The following PIK3C2G variants were observed in gnomAD, a reference collection of about 807,000 sequenced individuals.
PIK3C2G encodes the protein phosphatidylinositol-4-phosphate 3-kinase catalytic subunit type 2 gamma.
Under a neutral mutation model 181.1 loss-of-function variants are expected in PIK3C2G, and 168 were observed. The observed-to-expected ratio is 0.93, with a 90% CI of 0.82 to 1.05. The LOEUF (loss-of-function observed/expected upper bound fraction) is 1.05, where lower values mean the gene tolerates loss of function less well. Ranked by LOEUF, PIK3C2G falls within the 50% of genes least tolerant of loss-of-function variation. The pLI is 0.00. For missense variants in PIK3C2G, 1,869 were observed against 1,732.8 expected, an observed-to-expected ratio of 1.08 and a Z score of -1.40; for synonymous variants, 573 against 592.2, an observed-to-expected ratio of 0.97 and a Z score of 0.47.
chr12:18,560,744 G>A lies in PIK3C2G; in HGVS notation c.3591-1959G>A, dbSNP rs1945301947. On this transcript the variant is annotated intron_variant, in intron 26 of 32. Coordinates refer to ENST00000538779, the MANE Select transcript of PIK3C2G (RefSeq NM_001288772.2). ...ATTTTAACAAATACTAAGACTATAA[G>A]AAAAAAATTTCAAAAGTGAAAGGAT... 5.3e-5 allele frequency among the ~76,000 whole-genome samples: 8 copies of A among 151,876 alleles called. No homozygotes were observed. The South Asian group carries it at 1.7e-3, about 32-fold the overall frequency.
intron 9 of PIK3C2G, among the ~76,000 whole-genome samples, chr12:18,339,442 G>A (rs1264211947): frequency 6.6e-6 from 1 of 152,030 alleles, no homozygotes; most frequent in African/African-American, 2.4e-5. Flanking sequence ...TGTGTACAGA[G>A]AATTAATAAG....
chr12:18,670,997 G>A, the PIK3C2G span, among the ~76,000 whole-genome samples: 3 of 151,962 alleles, frequency 2.0e-5, no homozygotes, highest in African/African-American at 7.2e-5. Flanking sequence ...GGACAACATG[G>A]TGAAACCCTG....
the PIK3C2G span, among the ~76,000 whole-genome samples, chr12:18,696,796 T>A: frequency 6.6e-6 from 1 of 152,108 alleles, no homozygotes. Flanking sequence ...CGACTTCCAA[T>A]CCCTTCACTC....
rs548213571 is a variant in PIK3C2G, at chr12:18,323,301, A to G, written c.1209-1734A>G. ...CTTTACTCCTCCATCCCTCCCTCCA[A>G]TCCCAGGGCAGTGGATTACAGTCTG... is the stretch of plus-strand genomic sequence containing the variant. On this transcript the variant is annotated intron_variant, in intron 7 of 32. Transcript: ENST00000538779. Among the ~76,000 whole-genome samples the G allele has an allele frequency of 1.6e-3, 238 of 152,246 alleles. 1 individual carries two copies. The highest frequency in any genetic ancestry group is 5.4e-3 in the African/African-American group (223 of 41,544).
chr12:18,293,899 A>T lies in PIK3C2G; in HGVS notation c.920-2A>T. On this transcript the variant is annotated splice_acceptor_variant, in intron 4 of 32. Coordinates refer to ENST00000538779, the MANE Select transcript of PIK3C2G (RefSeq NM_001288772.2). LOFTEE classifies it high-confidence loss of function. ...ACTTTTATTATTCCTCTTTTTCTTT[A>T]GCTAATTATCTTGTCAAAGATCTAA... is the stretch of plus-strand genomic sequence containing the variant. 1 of 1,392,402 alleles carries T rather than the reference A, an allele frequency of 7.2e-7. No individual in the cohort carries two copies. The highest frequency in any genetic ancestry group is 1.0e-6 in the Non-Finnish European group (1 of 979,556). The allele number at this position is 1,392,402 out of a possible 1,614,324, so 86.3% of individuals were successfully genotyped here. A position where few individuals can be genotyped will look rare whatever the true frequency, so the allele number is the denominator to read the frequency against.
chr12:18,515,771 T>C (rs1182449816), intron 24 of PIK3C2G, among the ~76,000 whole-genome samples: 1 of 151,962 alleles, frequency 6.6e-6, no homozygotes, highest in Non-Finnish European at 1.5e-5. Flanking sequence ...AGTTTGTTCC[T>C]GTTTTTCTAG....
intron 18 of PIK3C2G, among the ~76,000 whole-genome samples, chr12:18,427,821 A>G (rs1945921580): frequency 6.6e-6 from 1 of 152,046 alleles, no homozygotes; most frequent in Non-Finnish European, 1.5e-5. Context: ...TCAGTGATTC[A>G]AGGAGAAACT....
chr12:18,356,263 C>T (rs550492437), intron 11 of PIK3C2G, among the ~76,000 whole-genome samples: 14 of 152,268 alleles, frequency 9.2e-5, no homozygotes, highest in South Asian at 8.3e-4. Flanking sequence ...GCAAGCCCCC[C>T]GATGAAACGG....
intron 8 of PIK3C2G, among the ~76,000 whole-genome samples, chr12:18,329,717 A>G (rs1937723072): frequency 6.6e-6 from 1 of 152,050 alleles, no homozygotes; most frequent in Non-Finnish European, 1.5e-5. Flanking sequence ...TCTAGAGCAC[A>G]TAGCTAGGGA....
chr12:18,613,841 G>C (rs996022871), intron 31 of PIK3C2G, among the ~76,000 whole-genome samples: 12 of 152,044 alleles, frequency 7.9e-5, no homozygotes, highest in African/African-American at 2.9e-4. Flanking sequence ...GGTGAGTTCG[G>C]TACTTGGCAC....
At chr12:18,585,428 A>G (rs1946718716) in intron 29 of PIK3C2G, among the ~76,000 whole-genome samples, 1 of 152,018 alleles carries the variant, frequency 6.6e-6, no homozygotes. Flanking sequence ...ACCAACAAAG[A>G]TAAGAAAAGA....
chr12:18,331,070 AC>A (rs2137538967), intron 8 of PIK3C2G, among the ~76,000 whole-genome samples: 1 of 152,052 alleles, frequency 6.6e-6, no homozygotes, highest in South Asian at 2.1e-4. Context: ...GTAGTTCTAG[AC>A]CCCCTGTTCT....
chr12:18,374,961 T>C (rs1474920147), intron 13 of PIK3C2G, among the ~76,000 whole-genome samples: 1 of 152,192 alleles, frequency 6.6e-6, no homozygotes, highest in Non-Finnish European at 1.5e-5. Context: ...CTGTAAAGCC[T>C]GGAAAACTGT....
At chr12:18,547,764 T>C (rs1329729668) in intron 26 of PIK3C2G, among the ~76,000 whole-genome samples, 2 of 151,980 alleles carry the variant, frequency 1.3e-5, no homozygotes, top group Non-Finnish European at 2.9e-5. Context: ...AATAGTACAA[T>C]GACCTCTGAA....
intron 18 of PIK3C2G, among the ~76,000 whole-genome samples, chr12:18,465,689 G>C (rs7298132): frequency 6.6e-6 from 1 of 151,558 alleles, no homozygotes; most frequent in African/African-American, 2.4e-5. Flanking sequence ...TTTTTGGATA[G>C]TCTTTTCTTC....
intron 5 of PIK3C2G, among the ~76,000 whole-genome samples, chr12:18,302,925 G>T (rs879641869): frequency 1.3e-5 from 2 of 152,060 alleles, no homozygotes; most frequent in Non-Finnish European, 2.9e-5. Context: ...CTGGGTGGCA[G>T]ACGAGGCAGG....
intron 2 of PIK3C2G, among the ~76,000 whole-genome samples, chr12:18,284,698 A>G (rs1415191361): frequency 6.6e-6 from 1 of 152,124 alleles, no homozygotes; most frequent in Non-Finnish European, 1.5e-5. Flanking sequence ...AACAAAAACA[A>G]AGGCCAAGTC....
At chr12:18,701,331 T>G in the PIK3C2G span, among the ~76,000 whole-genome samples, 1 of 152,130 alleles carries the variant, frequency 6.6e-6, no homozygotes, top group Non-Finnish European at 1.5e-5. Flanking sequence ...AGAGGCAATT[T>G]AAAAAATTCA....
Position 18,343,362 on chromosome 12 carries a change from TA to T in PIK3C2G, c.1429+6del. The T allele has an allele frequency of 7.5e-7, 1 of 1,325,858 alleles. No individual in the cohort carries two copies. The highest frequency in any genetic ancestry group is 1.5e-5 in the African/African-American group (1 of 67,932). The allele number at this position is 1,325,858 out of a possible 1,614,324, so 82.1% of individuals were successfully genotyped here. A position where few individuals can be genotyped will look rare whatever the true frequency, so the allele number is the denominator to read the frequency against. Reference sequence around the variant, plus strand: ...AAAGTTCAGAGACTTCAGCAAAAGGTAAAACATACATGTACTCAAGTATTTT... The same window carrying T: ...AAAGTTCAGAGACTTCAGCAAAAGGTAAACATACATGTACTCAAGTATTTT... On this transcript the variant is annotated splice_donor_region_variant and intron_variant, in intron 10 of 32. Transcript: ENST00000538779.
Sources: allele counts gnomAD v4.1 joint callset (sites outside exome capture counted in the v4.1 genomes callset), GRCh38; gene constraint gnomAD v4.1.1; transcripts MANE v1.5; gene names NCBI Gene and HGNC (gene_info 2026-07-23, HGNC 2026-07-21).